The following SAMD4A variants were observed in gnomAD, a reference collection of about 807,000 sequenced individuals.
SAMD4A encodes the protein protein Smaug homolog 1.
A neutral mutation model predicts 81.3 loss-of-function variants in SAMD4A; 33 were observed. The ratio of observed to expected loss-of-function variants is 0.41; its 90% CI spans 0.31 to 0.54. SAMD4A has a LOEUF of 0.54. Among genes scored for constraint, SAMD4A ranks in the 20% least tolerant of loss-of-function variants. The pLI is 0.37. For synonymous variants in SAMD4A, 389 were observed against 382.1 expected (o/e 1.02, Z -0.21); for missense variants, 854 against 951.1 (o/e 0.90, Z 1.34).
chr14:54,682,253 A>G (rs2036146080), intron 2 of SAMD4A, among the ~76,000 whole-genome samples: 1 of 152,262 alleles, frequency 6.6e-6, no homozygotes, highest in Non-Finnish European at 1.5e-5. Context: ...AGAAGTAGCC[A>G]GAACTTGCTC....
intron 2 of SAMD4A, chr14:54,682,158 T>C (rs980241750): frequency 3.2e-5 from 20 of 629,082 alleles, no homozygotes; most frequent in Non-Finnish European, 3.8e-5. Flanking sequence ...TTGTGGGGAG[T>C]CTGCTGTGTG....
chr14:54,780,969 C>G (rs988545513), intron 11 of SAMD4A, among the ~76,000 whole-genome samples: 9 of 152,118 alleles, frequency 5.9e-5, no homozygotes, highest in Admixed American at 1.3e-4. Flanking sequence ...CATCCTCCCC[C>G]TTTCTTCTTA....
chr14:54,647,260 TTGCA>T (rs1178393765), intron 2 of SAMD4A, among the ~76,000 whole-genome samples: 1 of 152,244 alleles, frequency 6.6e-6, no homozygotes, highest in Non-Finnish European at 1.5e-5. Context: ...GCTAATTGAT[TTGCA>T]GGTGTCATCA....
At chr14:54,694,656 G>T (rs1346230561) in intron 2 of SAMD4A, 5 of 985,380 alleles carry the variant, frequency 5.1e-6, no homozygotes, top group Admixed American at 1.2e-4. Flanking sequence ...GCAGGTGGCT[G>T]GGGGAGCTGG....
intron 2 of SAMD4A, among the ~76,000 whole-genome samples, chr14:54,615,573 C>G (rs1441741584): frequency 2.6e-5 from 4 of 152,132 alleles, no homozygotes; most frequent in Non-Finnish European, 5.9e-5. Context: ...GACATAGGTC[C>G]CTGATCACCT....
At chr14:54,671,450 A>G (rs901616259) in intron 2 of SAMD4A, among the ~76,000 whole-genome samples, 2 of 152,200 alleles carry the variant, frequency 1.3e-5, no homozygotes, top group African/African-American at 2.4e-5. Flanking sequence ...TAGTGAGTGC[A>G]ATGGGAGTGA....
At chr14:54,575,120 T>G (rs1009671443) in intron 2 of SAMD4A, among the ~76,000 whole-genome samples, 1 of 151,958 alleles carries the variant, frequency 6.6e-6, no homozygotes, top group African/African-American at 2.4e-5. Context: ...GAAGTGAATG[T>G]CCCCCCAACC....
rs145506422 is a variant in SAMD4A at position 54,607,088 on chromosome 14, G to T, written c.196+38976G>T. ...GAGACAGGAGTTCAGTGCTTTCAAGGTTATCAGGTTGGAAAGCAGTGGCAG... is the reference window on the plus strand; with the variant it reads ...GAGACAGGAGTTCAGTGCTTTCAAGTTTATCAGGTTGGAAAGCAGTGGCAG... On this transcript the variant is annotated intron_variant, in intron 2 of 12. Coordinates refer to ENST00000554335, the MANE Select transcript of SAMD4A (RefSeq NM_015589.6). Among the ~76,000 whole-genome samples the T allele has an allele frequency of 4.0e-3, 608 of 152,318 alleles. 3 individuals carry two copies. The highest frequency in any genetic ancestry group is 0.013 in the African/African-American group (528 of 41,562).
chr14:54,571,436 C>G (rs1202227414), intron 2 of SAMD4A, among the ~76,000 whole-genome samples: 1 of 152,136 alleles, frequency 6.6e-6, no homozygotes, highest in Admixed American at 6.5e-5. Context: ...CATTTGATAC[C>G]TACAAGTAGC....
intron 3 of SAMD4A, among the ~76,000 whole-genome samples, chr14:54,722,006 T>G (rs900522280): frequency 3.3e-5 from 5 of 152,304 alleles, no homozygotes; most frequent in Non-Finnish European, 7.4e-5. Context: ...ATCCCATTTG[T>G]AAACCTCTGC....
At position 54,757,411 on chromosome 14, in the gene SAMD4A, G is replaced by T. The variant is rs1339335925; in HGVS notation, c.1177-2750G>T. 1.9e-3 allele frequency among the ~76,000 whole-genome samples: 279 copies of T among 147,766 alleles called. 1 individual carries two copies. The highest frequency in any genetic ancestry group is 6.9e-3 in the African/African-American group (267 of 38,834). ...TGTGTGTGTGTGTGTGTGTGTGTGT[G>T]TGTGTGTGTGTGTGTGTTTTGTTTT... On this transcript the variant is annotated intron_variant, in intron 6 of 12. Coordinates refer to ENST00000554335, the MANE Select transcript of SAMD4A (RefSeq NM_015589.6).
chr14:54,749,979 A>G (rs2038061395), intron 5 of SAMD4A, among the ~76,000 whole-genome samples: 1 of 152,234 alleles, frequency 6.6e-6, no homozygotes, highest in African/African-American at 2.4e-5. Flanking sequence ...CACAAAGCCC[A>G]AAGTCACTGC....
At chr14:54,788,462 G>A (rs920938594) in intron 12 of SAMD4A, among the ~76,000 whole-genome samples, 9 of 151,934 alleles carry the variant, frequency 5.9e-5, no homozygotes, top group Admixed American at 3.3e-4. Context: ...TGCATGCACC[G>A]CACACCATCC....
At chr14:54,757,331 A>T (rs1317845443) in intron 6 of SAMD4A, among the ~76,000 whole-genome samples, 1 of 151,110 alleles carries the variant, frequency 6.6e-6, no homozygotes, top group Non-Finnish European at 1.5e-5. Context: ...CTGGGAAGTT[A>T]TATTTTATAG....
At chr14:54,769,700 G>A (rs1248891071) in intron 8 of SAMD4A, among the ~76,000 whole-genome samples, 2 of 152,266 alleles carry the variant, frequency 1.3e-5, no homozygotes, top group African/African-American at 2.4e-5. Context: ...ATTGATTTTT[G>A]GAGTGGTTGA....
intron 2 of SAMD4A, among the ~76,000 whole-genome samples, chr14:54,607,676 G>A (rs374541843): frequency 0.014 from 2,190 of 151,788 alleles, 49 homozygotes; most frequent in African/African-American, 0.051. Context: ...GGATGGTCTC[G>A]ATCTCCTGAC....
chr14:54,760,865 C>A (rs1158437287), intron 7 of SAMD4A, among the ~76,000 whole-genome samples: 1 of 152,208 alleles, frequency 6.6e-6, no homozygotes, highest in African/African-American at 2.4e-5. Context: ...CTCACCCTCT[C>A]TCCAAAGCAA....
intron 2 of SAMD4A, 46 bp downstream of exon 2, chr14:54,568,158 C>T (rs1226766792): frequency 3.5e-6 from 5 of 1,415,706 alleles, no homozygotes; most frequent in Admixed American, 5.5e-5. Flanking sequence ...GCCCAACCCC[C>T]GCTCCTCCCT....
chr14:54,626,685 A>G (rs2034772308), intron 2 of SAMD4A, among the ~76,000 whole-genome samples: 1 of 152,174 alleles, frequency 6.6e-6, no homozygotes, highest in South Asian at 2.1e-4. Context: ...CCTACTAGAT[A>G]TAAGGAATTC....
Sources: allele counts gnomAD v4.1 joint callset (sites outside exome capture counted in the v4.1 genomes callset), GRCh38; gene constraint gnomAD v4.1.1; transcripts MANE v1.5; gene names NCBI Gene and HGNC (gene_info 2026-07-23, HGNC 2026-07-21).